Variants in EPB42 observed in about 807,000 individuals in gnomAD.
EPB42 encodes erythrocyte membrane protein band 4.2.
A neutral mutation model predicts 76.9 loss-of-function variants in EPB42; 49 were observed. That is an observed-to-expected ratio of 0.64 (90% CI 0.51 to 0.81). The LOEUF is 0.81. Ranked by LOEUF, EPB42 falls within the 30% of genes least tolerant of loss-of-function variation. The pLI is 0.00. For synonymous variants in EPB42, 310 were observed against 338.4 expected (o/e 0.92, Z 0.92); for missense variants, 731 against 867.6 (o/e 0.84, Z 1.98).
chr15:43,215,159 C>G lies in EPB42; in HGVS notation c.366G>C (p.Gln122His). 1.2e-6 allele frequency: 2 copies of G among 1,614,234 alleles called. No individual in the cohort carries two copies. Among genetic ancestry groups the G allele is most frequent in the Non-Finnish European group, 1.7e-6 (2 of 1,180,046 alleles). The change falls in exon 3 of 13, where the codon CAG becomes CAC. Residue 122 changes from glutamine to histidine, a missense_variant. Gln to His is a conservative substitution (Grantham distance 24). Transcript: ENST00000441366. ...AGAGGAGTTGCTTCCTGCCTGAGAC[C>G]TGCAGCAGAAGCGAGTAGTGGCCAA... ...AVIGHYSLLL[Q>H]VSGRKQLLLG...
chr15:43,209,147 T>A (rs1419479503), intron 6 of EPB42, 127 bp downstream of exon 6: 1 of 1,118,266 alleles, frequency 8.9e-7, no homozygotes, highest in East Asian at 2.5e-5. Context: ...CAACTACTTC[T>A]GTGTGATGAG....
Position 43,208,338 on chromosome 15 carries a change from A to G in EPB42, c.972-5T>C, listed in dbSNP as rs545456927. 32 of 1,613,766 alleles carry G rather than the reference A, an allele frequency of 2.0e-5. No individual in the cohort carries two copies. The East Asian group carries it at 4.5e-4, about 22-fold the overall frequency. On this transcript the variant is annotated splice_polypyrimidine_tract_variant and splice_region_variant and intron_variant, in intron 7 of 12. Transcript: ENST00000441366. ...TCTGTGGAAGTCTGGAAGATCCTGAATGCAGCAAAGAGAAAAATTCAAGTG... is the reference window on the plus strand; with the variant it reads ...TCTGTGGAAGTCTGGAAGATCCTGAGTGCAGCAAAGAGAAAAATTCAAGTG...
At chr15:43,217,599 G>T (rs1179629368) in intron 1 of EPB42, among the ~76,000 whole-genome samples, 13 of 152,134 alleles carry the variant, frequency 8.5e-5, no homozygotes, top group African/African-American at 3.1e-4. Context: ...TGTACTTTTT[G>T]TTCCTTTAAT....
chr15:43,222,833 A>G (rs990904309), upstream of EPB42, among the ~76,000 whole-genome samples: 6 of 152,266 alleles, frequency 3.9e-5, no homozygotes, highest in African/African-American at 1.4e-4. Flanking sequence ...TATGCCACAC[A>G]TCAAAATAAA....
chr15:43,219,135 C>G (rs1222641465), intron 1 of EPB42, among the ~76,000 whole-genome samples: 1 of 152,124 alleles, frequency 6.6e-6, no homozygotes, highest in Non-Finnish European at 1.5e-5. Context: ...TAAACTACGC[C>G]CCCTGTGGCC....
chr15:43,224,581 A>C (rs2042490961), upstream of EPB42, among the ~76,000 whole-genome samples: 2 of 152,226 alleles, frequency 1.3e-5, no homozygotes, highest in African/African-American at 2.4e-5. Flanking sequence ...AACAGGTGTA[A>C]AATGAAATTT....
chr15:43,207,721 T>C, intron 8 of EPB42, among the ~76,000 whole-genome samples: 1 of 152,224 alleles, frequency 6.6e-6, no homozygotes, highest in East Asian at 1.9e-4. Context: ...CGTGAGGAGC[T>C]CTCAAGCCAG....
At chr15:43,214,573 G>A (rs929439921) in intron 3 of EPB42, among the ~76,000 whole-genome samples, 9 of 152,274 alleles carry the variant, frequency 5.9e-5, no homozygotes, top group Admixed American at 2.6e-4. Flanking sequence ...CTGGTCGGCC[G>A]GGGAGCCTTA....
chr15:43,219,817 G>T (rs935408671), intron 1 of EPB42, among the ~76,000 whole-genome samples: 3 of 151,978 alleles, frequency 2.0e-5, no homozygotes, highest in Non-Finnish European at 1.5e-5. Flanking sequence ...ATGGTGGTGG[G>T]TGCCTGTAGT....
chr15:43,224,612 T>C (rs555728431), upstream of EPB42, among the ~76,000 whole-genome samples: 2 of 152,300 alleles, frequency 1.3e-5, no homozygotes, highest in East Asian at 3.9e-4. Context: ...ATTCAAGGCA[T>C]TGATATTTAT....
chr15:43,217,472 G>GA (rs2042396940), intron 1 of EPB42, among the ~76,000 whole-genome samples: 2 of 151,832 alleles, frequency 1.3e-5, no homozygotes, highest in South Asian at 4.1e-4. Context: ...CAAGAGGGAA[G>GA]AAAAAAACAA....
intron 12 of EPB42, among the ~76,000 whole-genome samples, chr15:43,200,130 T>C (rs968914133): frequency 6.6e-6 from 1 of 152,204 alleles, no homozygotes; most frequent in Non-Finnish European, 1.5e-5. Context: ...TTTGGAGCCT[T>C]GTCAGCAACC....
chr15:43,201,210 C>T (rs1209646391), intron 12 of EPB42, among the ~76,000 whole-genome samples: 1 of 152,070 alleles, frequency 6.6e-6, no homozygotes, highest in Non-Finnish European at 1.5e-5. Flanking sequence ...CTCTGGGTGC[C>T]CATCTCTGTG....
At chr15:43,207,910 A>G (rs529665821) in intron 8 of EPB42, among the ~76,000 whole-genome samples, 80 of 152,106 alleles carry the variant, frequency 5.3e-4, no homozygotes, top group Admixed American at 8.5e-4. Context: ...GAACCTCAGA[A>G]CCTCTGCTGT....
chr15:43,216,311 T>C lies in EPB42; in HGVS notation c.153A>G (p.Ala51=), dbSNP rs1344204580. The C allele has an allele frequency of 6.2e-7, 1 of 1,614,126 alleles. No individual in the cohort carries two copies. The highest frequency in any genetic ancestry group is 1.3e-5 in the African/African-American group (1 of 75,016). Residue 51 remains alanine (A), a synonymous_variant, in exon 2 of 13, where the codon GCA becomes GCG. Transcript: ENST00000441366. ...CCACCTTCTTCAGGGCAGGCAGAAA[T>C]GCACGGACTGGAGCGCGGAAGTACA... The part of the protein sequence containing the change: ...IILYFRAPVR[A]FLPALKKVAL...
At chr15:43,204,956 C>A in intron 10 of EPB42, among the ~76,000 whole-genome samples, 1 of 78,550 alleles carries the variant, frequency 1.3e-5, no homozygotes, top group Non-Finnish European at 2.7e-5. Flanking sequence ...CAGAAGGCTG[C>A]CCCCTCCGCC....
intron 3 of EPB42, 58 bp downstream of exon 3, chr15:43,215,037 C>A: frequency 6.8e-7 from 1 of 1,475,788 alleles, no homozygotes; most frequent in Non-Finnish European, 9.4e-7. Flanking sequence ...AGAGCTGCAC[C>A]CCAGCTCCAG....
At chr15:43,221,793 T>C (rs2042462540), upstream of EPB42, among the ~76,000 whole-genome samples, 1 of 149,824 alleles carries the variant, frequency 6.7e-6, no homozygotes, top group Admixed American at 6.6e-5. Context: ...CTTTGAACTT[T>C]TGAACTCATT....
In EPB42 at chr15:43,211,546, T is replaced by C. The variant is rs1446176577; in HGVS notation, c.431-12A>G. 6.4e-7 allele frequency: 1 copy of C among 1,571,930 alleles called. No individual in the cohort carries two copies. The highest frequency in any genetic ancestry group is 8.8e-7 in the Non-Finnish European group (1 of 1,141,912). ...GAACACAGCATCCTCTGGTGAGAGG[T>C]GGGTAGGGATGAGGGCCTGTGGGGG... On this transcript the variant is annotated splice_polypyrimidine_tract_variant and intron_variant, in intron 3 of 12. Transcript: ENST00000441366.
Sources: allele counts gnomAD v4.1 joint callset (sites outside exome capture counted in the v4.1 genomes callset), GRCh38; gene constraint gnomAD v4.1.1; transcripts MANE v1.5; gene names NCBI Gene and HGNC (gene_info 2026-07-23, HGNC 2026-07-21).